TENM4: variants seen among roughly 807,000 people sequenced by gnomAD.
TENM4 encodes teneurin transmembrane protein 4.
In TENM4, 82 loss-of-function variants were observed where a neutral mutation model predicts 243.3. That is an observed-to-expected ratio of 0.34 (90% CI 0.28 to 0.40). TENM4 has a LOEUF of 0.40. TENM4 is among the 10% of genes least tolerant of loss of function. TENM4 has a pLI of 1.00. For synonymous variants in TENM4, 1,412 were observed against 1,456.3 expected (o/e 0.97, Z 0.69); for missense variants, 3,138 against 3,673.3 (o/e 0.85, Z 3.77).
At chr11:79,219,361 T>TGAGCA (rs1864115140) in intron 2 of TENM4, among the ~76,000 whole-genome samples, 1 of 152,192 alleles carries the variant, frequency 6.6e-6, no homozygotes, top group Non-Finnish European at 1.5e-5. Context: ...TGAGTGCTGT[T>TGAGCA]GAGCAGAGCA....
At position 78,657,441 on chromosome 11, in the gene TENM4, G is replaced by A; in HGVS notation, c.*617C>T. 3 of 369,298 alleles carry A rather than the reference G, an allele frequency of 8.1e-6. No individual in the cohort carries two copies. In the East Asian group the frequency reaches 1.2e-4, roughly 15 times the overall value. The allele number at this position is 369,298 out of a possible 1,614,324, so 22.9% of individuals were successfully genotyped here. ...TTTGGGGCAGCTTAAAAAAGGTGCTGAACAACACCATGAAATTCCCTGGAG... is the reference window on the plus strand; with the variant it reads ...TTTGGGGCAGCTTAAAAAAGGTGCTAAACAACACCATGAAATTCCCTGGAG... On this transcript the variant is annotated 3_prime_UTR_variant, in exon 34 of 34. Coordinates refer to ENST00000278550, the MANE Select transcript of TENM4 (RefSeq NM_001098816.3).
chr11:79,149,905 A>G (rs187719978), intron 3 of TENM4, among the ~76,000 whole-genome samples: 20 of 152,292 alleles, frequency 1.3e-4, no homozygotes, highest in African/African-American at 4.8e-4. Flanking sequence ...TCTTTATAAC[A>G]GTATCACTAA....
chr11:79,281,399 G>T (rs886969374), intron 2 of TENM4, among the ~76,000 whole-genome samples: 7 of 152,168 alleles, frequency 4.6e-5, no homozygotes, highest in African/African-American at 1.7e-4. Flanking sequence ...TAAGAGATGG[G>T]TCCATCTTTA....
intron 3 of TENM4, chr11:79,193,221 C>T (rs75970706): frequency 0.027 from 4,068 of 152,372 alleles, 106 homozygotes; most frequent in Non-Finnish European, 0.037. Context: ...TCCTCTTCCT[C>T]ATTTGACAGA....
chr11:79,029,270 G>A (rs917964856), intron 6 of TENM4, among the ~76,000 whole-genome samples: 1 of 152,172 alleles, frequency 6.6e-6, no homozygotes, highest in Non-Finnish European at 1.5e-5. Flanking sequence ...CTAGCGGAGA[G>A]CTAATACACA....
intron 6 of TENM4, among the ~76,000 whole-genome samples, chr11:79,048,045 C>T (rs144374655): frequency 1.6e-4 from 24 of 152,256 alleles, no homozygotes; most frequent in African/African-American, 4.6e-4. Flanking sequence ...CCCTGTCATA[C>T]CTGGTACAAT....
intron 33 of TENM4, 53 bp downstream of exon 33, chr11:78,661,396 C>A: frequency 6.3e-7 from 1 of 1,575,300 alleles, no homozygotes; most frequent in Non-Finnish European, 8.6e-7. Context: ...GAAGGGACCC[C>A]CTCCAGTAAT....
chr11:79,298,904 A>C lies in TENM4; in HGVS notation c.-320-1361T>G, dbSNP rs529217203. Among the ~76,000 whole-genome samples, 439 of 152,330 alleles carry C rather than the reference A, an allele frequency of 2.9e-3. 3 individuals carry two copies. Among genetic ancestry groups the C allele is most frequent in the African/African-American group, 0.01 (416 of 41,574 alleles). On this transcript the variant is annotated intron_variant, in intron 1 of 33. Transcript: ENST00000278550. ...TATATTTTTAAATAATTTTCAAAAAATGTTTCTGCAGCTCTCTATTTCTGC... is the reference window on the plus strand; with the variant it reads ...TATATTTTTAAATAATTTTCAAAAACTGTTTCTGCAGCTCTCTATTTCTGC...
At chr11:78,658,868 T>C (rs993415520) in intron 33 of TENM4, 52 bp from the exon 34 acceptor site, 43 of 1,555,970 alleles carry the variant, frequency 2.8e-5, no homozygotes, top group Non-Finnish European at 3.3e-5. Flanking sequence ...GAAAAAACCC[T>C]GAGAACCTGG....
chr11:78,720,074 G>T (rs1859610010), intron 25 of TENM4, among the ~76,000 whole-genome samples: 1 of 152,146 alleles, frequency 6.6e-6, no homozygotes, highest in Non-Finnish European at 1.5e-5. Context: ...TTATTCTAAG[G>T]ATAAGCAGGC....
At chr11:78,887,340 C>T (rs530594700) in intron 9 of TENM4, among the ~76,000 whole-genome samples, 2 of 152,340 alleles carry the variant, frequency 1.3e-5, no homozygotes, top group East Asian at 3.9e-4. Flanking sequence ...TCCCAGGAAG[C>T]CTTCCCTACT....
intron 12 of TENM4, among the ~76,000 whole-genome samples, chr11:78,849,714 A>C (rs1395187891): frequency 6.6e-6 from 1 of 152,210 alleles, no homozygotes; most frequent in Non-Finnish European, 1.5e-5. Context: ...GACAGACGCA[A>C]ATTCATGTCC....
At chr11:79,101,610 G>A (rs1241342750) in intron 4 of TENM4, among the ~76,000 whole-genome samples, 1 of 152,194 alleles carries the variant, frequency 6.6e-6, no homozygotes, top group Non-Finnish European at 1.5e-5. Flanking sequence ...CTTGTGTTAC[G>A]TGGGTAAATG....
At chr11:79,371,640 C>A (rs1857788604) in intron 1 of TENM4, among the ~76,000 whole-genome samples, 1 of 152,216 alleles carries the variant, frequency 6.6e-6, no homozygotes. Context: ...AGCCATGCCC[C>A]TCCCCAGGTG....
At chr11:79,186,863 C>A (rs1181985440) in intron 3 of TENM4, among the ~76,000 whole-genome samples, 1 of 152,190 alleles carries the variant, frequency 6.6e-6, no homozygotes, top group Non-Finnish European at 1.5e-5. Flanking sequence ...GCACACAGCT[C>A]TAATTTACTG....
At chr11:79,311,998 G>A (rs1404360977) in intron 1 of TENM4, among the ~76,000 whole-genome samples, 1 of 152,148 alleles carries the variant, frequency 6.6e-6, no homozygotes, top group Non-Finnish European at 1.5e-5. Flanking sequence ...TACTCACAAG[G>A]AGGAGAGCCT....
chr11:78,974,360 C>T (rs1164752361), intron 6 of TENM4, among the ~76,000 whole-genome samples: 1 of 152,172 alleles, frequency 6.6e-6, no homozygotes, highest in Non-Finnish European at 1.5e-5. Context: ...AGGGTAATAG[C>T]CATCACCCTC....
chr11:79,202,818 C>T (rs1342939400), intron 3 of TENM4, among the ~76,000 whole-genome samples: 1 of 152,180 alleles, frequency 6.6e-6, no homozygotes, highest in Non-Finnish European at 1.5e-5. Context: ...GCTTTATGAG[C>T]ACCCTAGACA....
intron 1 of TENM4, among the ~76,000 whole-genome samples, chr11:79,425,689 C>T (rs1021749412): frequency 6.6e-6 from 1 of 152,200 alleles, no homozygotes; most frequent in Non-Finnish European, 1.5e-5. Flanking sequence ...AATGGCCTAT[C>T]TATCTGAGGT....
Sources: allele counts gnomAD v4.1 joint callset (sites outside exome capture counted in the v4.1 genomes callset), GRCh38; gene constraint gnomAD v4.1.1; transcripts MANE v1.5; gene names NCBI Gene and HGNC (gene_info 2026-07-23, HGNC 2026-07-21).